The following LHX8 variants were observed in gnomAD, a reference collection of about 807,000 sequenced individuals.
The protein encoded by LHX8 is LIM/homeobox protein Lhx8.
In LHX8, 12 loss-of-function variants were observed where a neutral mutation model predicts 40.3. That is an observed-to-expected ratio of 0.30 (90% CI 0.19 to 0.48). The LOEUF is 0.48. Ranked by LOEUF, LHX8 falls within the 20% of genes least tolerant of loss-of-function variation. The pLI is 0.99. For synonymous variants in LHX8, 179 were observed against 162.0 expected (o/e 1.10, Z -0.80); for missense variants, 344 against 433.7 (o/e 0.79, Z 1.84).
At chr1:75,194,031 A>G in the LHX8 span, among the ~76,000 whole-genome samples, 3 of 152,184 alleles carry the variant, frequency 2.0e-5, no homozygotes, top group Admixed American at 1.3e-4. Context: ...TCAAAGCAGG[A>G]AGAACTGTTT....
intron 6 of LHX8, among the ~76,000 whole-genome samples, chr1:75,148,343 A>G (rs751193430): frequency 6.6e-6 from 1 of 152,236 alleles, no homozygotes; most frequent in Non-Finnish European, 1.5e-5. Context: ...CTTATTTTTA[A>G]CAGCATAGTT....
chr1:75,154,916 T>C (rs993054021), intron 7 of LHX8, among the ~76,000 whole-genome samples: 9 of 152,328 alleles, frequency 5.9e-5, no homozygotes, highest in South Asian at 2.1e-4. Context: ...CTCTTGAGAG[T>C]ATACTTTGCC....
the LHX8 span, among the ~76,000 whole-genome samples, chr1:75,169,280 ACT>A: frequency 1.3e-5 from 2 of 151,920 alleles, no homozygotes; most frequent in African/African-American, 4.8e-5. Flanking sequence ...AGACAGCTTG[ACT>A]CTGCCATTTT....
the LHX8 span, among the ~76,000 whole-genome samples, chr1:75,193,875 C>A: frequency 2.0e-5 from 3 of 152,144 alleles, no homozygotes; most frequent in African/African-American, 7.2e-5. Flanking sequence ...GTCCACAAAC[C>A]ATGTCTATTT....
chr1:75,138,374 T>G (rs749502137), intron 3 of LHX8, among the ~76,000 whole-genome samples: 2 of 152,182 alleles, frequency 1.3e-5, no homozygotes, highest in African/African-American at 4.8e-5. Context: ...ATACAAAGCT[T>G]CTTCATCTGT....
the LHX8 span, among the ~76,000 whole-genome samples, chr1:75,186,514 C>T: frequency 6.6e-6 from 1 of 152,160 alleles, no homozygotes; most frequent in Non-Finnish European, 1.5e-5. Flanking sequence ...GGAGACATTT[C>T]CTTTATGCCC....
intron 8 of LHX8, 75 bp downstream of exon 8, chr1:75,157,151 A>G (rs891476818): frequency 1.3e-6 from 2 of 1,493,196 alleles, no homozygotes; most frequent in Admixed American, 1.7e-5. Context: ...GATTATTGAT[A>G]CAATTCACAT....
chr1:75,182,278 T>C, the LHX8 span, among the ~76,000 whole-genome samples: 4 of 152,184 alleles, frequency 2.6e-5, no homozygotes, highest in Admixed American at 6.6e-5. Context: ...CTTTATGTTT[T>C]TGTTTGCTTT....
chr1:75,178,783 C>A, the LHX8 span, among the ~76,000 whole-genome samples: 1 of 152,176 alleles, frequency 6.6e-6, no homozygotes, highest in Non-Finnish European at 1.5e-5. Context: ...AATTTTAGAT[C>A]TTTCTTGCTT....
chr1:75,189,856 T>C, the LHX8 span, among the ~76,000 whole-genome samples: 1 of 152,236 alleles, frequency 6.6e-6, no homozygotes, highest in African/African-American at 2.4e-5. Flanking sequence ...CTAACACTAA[T>C]ACTGAATATC....
chr1:75,179,940 C>A, the LHX8 span, among the ~76,000 whole-genome samples: 1 of 152,138 alleles, frequency 6.6e-6, no homozygotes, highest in South Asian at 2.1e-4. Flanking sequence ...ATTTCTCCTT[C>A]ATTTGTGAAG....
At chr1:75,149,512 T>A (rs1648550042) in intron 7 of LHX8, among the ~76,000 whole-genome samples, 1 of 152,152 alleles carries the variant, frequency 6.6e-6, no homozygotes, top group Non-Finnish European at 1.5e-5. Flanking sequence ...TGTTTGTTTT[T>A]TGTTTGTTTG....
At chr1:75,139,845 C>G (rs1401420326) in intron 3 of LHX8, among the ~76,000 whole-genome samples, 1 of 152,128 alleles carries the variant, frequency 6.6e-6, no homozygotes, top group East Asian at 1.9e-4. Context: ...ACATGTTGGA[C>G]CGTAGTTCTA....
Position 75,143,263 on chromosome 1 carries a change from T to C in LHX8, c.505T>C (p.Leu169=). Residue 169 remains leucine (L), a synonymous_variant, in exon 5 of 9, where the codon TTG becomes CTG. Transcript: ENST00000356261. ...RQLSTGEEFA[L]VEEKVLCRVH... ...ACTTTCCACAGGAGAGGAGTTTGCT[T>C]TGGTGGAAGAGAAAGTCCTCTGCAG... The C allele has an allele frequency of 6.2e-7, 1 of 1,613,800 alleles. No homozygotes were observed. Among genetic ancestry groups the C allele is most frequent in the Non-Finnish European group, 8.5e-7 (1 of 1,179,764 alleles).
At chr1:75,194,357 C>T in the LHX8 span, among the ~76,000 whole-genome samples, 1 of 152,178 alleles carries the variant, frequency 6.6e-6, no homozygotes, top group African/African-American at 2.4e-5. Flanking sequence ...ACTGCAGTCT[C>T]CTGGGCTCCT....
intron 1 of LHX8, among the ~76,000 whole-genome samples, chr1:75,129,148 TA>T (rs1242982900): frequency 6.6e-6 from 1 of 152,260 alleles, no homozygotes; most frequent in African/African-American, 2.4e-5. Context: ...ATCTTCATTT[TA>T]CAAATGAGAA....
chr1:75,146,236 A>C (rs1185398544), intron 6 of LHX8, among the ~76,000 whole-genome samples: 2 of 152,190 alleles, frequency 1.3e-5, no homozygotes, highest in Admixed American at 1.3e-4. Flanking sequence ...AGTCAAGACT[A>C]TCTAGTCAGT....
Position 75,161,153 on chromosome 1 carries a change from G to A in LHX8, c.*258G>A, listed in dbSNP as rs1006940392. 1.6e-5 allele frequency: 7 copies of A among 426,796 alleles called. No individual in the cohort carries two copies. The highest frequency in any genetic ancestry group is 1.4e-4 in the African/African-American group (7 of 49,704). The allele number at this position is 426,796 out of a possible 1,614,324, so 26.4% of individuals were successfully genotyped here. On this transcript the variant is annotated 3_prime_UTR_variant, in exon 9 of 9. Transcript: ENST00000356261. ...TATTGTCTGGAAATAGTTCACTCTA[G>A]TGTGTATCTGTTAATTTATTTGTCA...
At chr1:75,180,480 A>G in the LHX8 span, among the ~76,000 whole-genome samples, 1 of 152,090 alleles carries the variant, frequency 6.6e-6, no homozygotes, top group Non-Finnish European at 1.5e-5. Flanking sequence ...ACTTGATTGA[A>G]TCAGGTACTG....
Sources: allele counts gnomAD v4.1 joint callset (sites outside exome capture counted in the v4.1 genomes callset), GRCh38; gene constraint gnomAD v4.1.1; transcripts MANE v1.5; gene names NCBI Gene and HGNC (gene_info 2026-07-23, HGNC 2026-07-21).